Variants in ARHGEF28 observed in about 807,000 individuals in gnomAD.
ARHGEF28 encodes the protein Rho guanine nucleotide exchange factor 28, also known as 190 kDa guanine nucleotide exchange factor.
ARHGEF28 carries 152 observed loss-of-function variants against 206.6 expected under a neutral mutation model. The ratio of observed to expected loss-of-function variants is 0.74; its 90% CI spans 0.64 to 0.84. ARHGEF28 has a LOEUF of 0.84. Among genes scored for constraint, ARHGEF28 ranks in the 40% least tolerant of loss-of-function variants. ARHGEF28 has a pLI of 0.00. For missense variants in ARHGEF28, 2,028 were observed against 2,073.2 expected, an observed-to-expected ratio of 0.98 and a Z score of 0.42; for synonymous variants, 763 against 776.4, an observed-to-expected ratio of 0.98 and a Z score of 0.29.
chr5:73,877,888 A>T (rs1476321087), intron 22 of ARHGEF28, among the ~76,000 whole-genome samples: 1 of 152,014 alleles, frequency 6.6e-6, no homozygotes, highest in Admixed American at 6.5e-5. Context: ...TGCTGAAAAA[A>T]ATATATATTC....
intron 4 of ARHGEF28, among the ~76,000 whole-genome samples, chr5:73,763,205 T>C (rs1276032307): frequency 2.6e-5 from 4 of 152,250 alleles, no homozygotes; most frequent in Non-Finnish European, 5.9e-5. Flanking sequence ...TATACTGATT[T>C]CCGGTTTGGT....
At chr5:73,817,027 G>A (rs747240102) in intron 9 of ARHGEF28, among the ~76,000 whole-genome samples, 7 of 152,080 alleles carry the variant, frequency 4.6e-5, no homozygotes, top group Admixed American at 2.0e-4. Context: ...ATTAATCAAC[G>A]ATTGAAAAAT....
At chr5:73,910,003 A>C (rs894694022) in intron 34 of ARHGEF28, 106 bp downstream of exon 34, 14 of 1,387,162 alleles carry the variant, frequency 1.0e-5, no homozygotes, top group Non-Finnish European at 1.3e-5. Context: ...TTTGTGTAAG[A>C]AGACCTCATG....
At chr5:73,772,196 T>C (rs1389121963) in intron 4 of ARHGEF28, among the ~76,000 whole-genome samples, 1 of 152,160 alleles carries the variant, frequency 6.6e-6, no homozygotes, top group African/African-American at 2.4e-5. Context: ...TGTTTCAAAT[T>C]AGAGCTTTGT....
chr5:73,655,135 A>G (rs897128080), intron 1 of ARHGEF28, among the ~76,000 whole-genome samples: 1 of 152,240 alleles, frequency 6.6e-6, no homozygotes, highest in Admixed American at 6.5e-5. Context: ...AACGCCTTCA[A>G]CAAAGCTCTT....
At chr5:73,776,835 C>A in intron 6 of ARHGEF28, 139 bp downstream of exon 6, 1 of 612,082 alleles carries the variant, frequency 1.6e-6, no homozygotes, top group Non-Finnish European at 2.7e-6. Context: ...TTGGAAACTG[C>A]ATTAGATCAG....
intron 7 of ARHGEF28, among the ~76,000 whole-genome samples, chr5:73,791,188 C>G (rs981055341): frequency 6.6e-6 from 1 of 152,168 alleles, no homozygotes; most frequent in African/African-American, 2.4e-5. Context: ...TGCAAAGCAC[C>G]CAGCTTGGTG....
intron 29 of ARHGEF28, among the ~76,000 whole-genome samples, chr5:73,895,692 T>C (rs1761922655): frequency 1.3e-5 from 2 of 152,184 alleles, no homozygotes; most frequent in South Asian, 4.1e-4. Flanking sequence ...AGTTTAGTTT[T>C]ACCGGAACTT....
intron 4 of ARHGEF28, among the ~76,000 whole-genome samples, chr5:73,767,783 A>G (rs1332743798): frequency 6.6e-6 from 1 of 152,190 alleles, no homozygotes; most frequent in Non-Finnish European, 1.5e-5. Flanking sequence ...GTAATGAAGA[A>G]CTGAATATTA....
intron 10 of ARHGEF28, chr5:73,835,159 A>G (rs1757545807): frequency 6.6e-6 from 1 of 152,150 alleles, no homozygotes; most frequent in Admixed American, 6.5e-5. Context: ...ATGCCTGCAT[A>G]ATGAAGCTTC....
intron 35 of ARHGEF28, among the ~76,000 whole-genome samples, chr5:73,915,935 T>C (rs1471801860): frequency 1.3e-5 from 2 of 152,248 alleles, no homozygotes; most frequent in African/African-American, 4.8e-5. Context: ...GTTAATAATA[T>C]AGATACTGGG....
intron 1 of ARHGEF28, among the ~76,000 whole-genome samples, chr5:73,651,070 T>C (rs1372671523): frequency 6.6e-6 from 1 of 152,172 alleles, no homozygotes; most frequent in African/African-American, 2.4e-5. Context: ...AAAATTAGAA[T>C]GGGGGCTTGA....
intron 9 of ARHGEF28, among the ~76,000 whole-genome samples, chr5:73,802,601 A>G (rs930789192): frequency 1.3e-5 from 2 of 152,184 alleles, no homozygotes; most frequent in Admixed American, 6.5e-5. Context: ...TGATATTTCA[A>G]TAAAATGATT....
At chr5:73,703,066 T>C (rs909684230) in intron 2 of ARHGEF28, among the ~76,000 whole-genome samples, 5 of 152,206 alleles carry the variant, frequency 3.3e-5, no homozygotes, top group Non-Finnish European at 7.4e-5. Context: ...CTGAATCCAA[T>C]TGGAAAGCCA....
Position 73,852,696 on chromosome 5 carries a change from C to CT in ARHGEF28, c.1790+8dup. 10 of 1,613,424 alleles carry CT rather than the reference C, an allele frequency of 6.2e-6. No individual in the cohort carries two copies. The highest frequency in any genetic ancestry group is 8.5e-6 in the Non-Finnish European group (10 of 1,179,426). On this transcript the variant is annotated splice_donor_region_variant and intron_variant, in intron 14 of 35. Coordinates refer to ENST00000513042, the MANE Select transcript of ARHGEF28 (RefSeq NM_001177693.2). ...CGGAGCCACCAAGAGAAAACAGGTA[C>CT]TTTTAACTATTCCAATTTTCCTGAG...
At chr5:73,670,688 G>T (rs1746249141) in intron 1 of ARHGEF28, among the ~76,000 whole-genome samples, 1 of 152,128 alleles carries the variant, frequency 6.6e-6, no homozygotes. Flanking sequence ...TAGCCATTTT[G>T]AATGGTATGC....
intron 9 of ARHGEF28, among the ~76,000 whole-genome samples, chr5:73,816,446 G>C (rs1465910818): frequency 1.3e-5 from 2 of 152,136 alleles, no homozygotes; most frequent in African/African-American, 4.8e-5. Flanking sequence ...GAGAAATCAT[G>C]AAAGTGGCTT....
At chr5:73,845,986 C>CAAAAAAAAAA (rs57600570) in intron 11 of ARHGEF28, among the ~76,000 whole-genome samples, 5 of 63,726 alleles carry the variant, frequency 7.8e-5, no homozygotes, top group Admixed American at 1.8e-4. Flanking sequence ...AAAACTGTCT[C>CAAAAAAAAAA]AAAAAAAAAA....
At chr5:73,872,856 C>A in intron 21 of ARHGEF28, 143 bp from the exon 22 acceptor site, 1 of 1,017,154 alleles carries the variant, frequency 9.8e-7, no homozygotes, top group Non-Finnish European at 1.4e-6. Flanking sequence ...TTAATGTTGA[C>A]TTTTATATTG....
Sources: gnomAD v4.1 joint callset for allele counts (sites outside exome capture counted in the v4.1 genomes callset) on GRCh38, gnomAD v4.1.1 for gene constraint, MANE v1.5 for transcripts, NCBI Gene and HGNC (gene_info 2026-07-23, HGNC 2026-07-21) for gene names.